Variants in KIF16B observed in about 807,000 individuals in gnomAD.
KIF16B encodes kinesin-like protein KIF16B.
In KIF16B, 98 loss-of-function variants were observed where a neutral mutation model predicts 156.3. The observed-to-expected ratio is 0.63, with a 90% CI of 0.53 to 0.74. The LOEUF is 0.74. Ranked by LOEUF, KIF16B falls within the 30% of genes least tolerant of loss-of-function variation. The pLI is 0.00. For missense variants in KIF16B, 1,421 were observed against 1,606.5 expected, an observed-to-expected ratio of 0.88 and a Z score of 1.97; for synonymous variants, 564 against 583.7, an observed-to-expected ratio of 0.97 and a Z score of 0.49.
At chr20:16,506,315 T>A (rs893392818) in intron 7 of KIF16B, 125 bp from the exon 8 acceptor site, 13 of 780,024 alleles carry the variant, frequency 1.7e-5, no homozygotes, top group Non-Finnish European at 2.7e-5. Flanking sequence ...TTCAATTTTA[T>A]TGTTTTACTG....
At chr20:16,372,472 G>C (rs997745184) in intron 20 of KIF16B, among the ~76,000 whole-genome samples, 3 of 152,136 alleles carry the variant, frequency 2.0e-5, no homozygotes, top group African/African-American at 7.2e-5. Context: ...ATAAAATGTA[G>C]GTGAAGTTGT....
chr20:16,410,296 T>C (rs1044216767), intron 15 of KIF16B, among the ~76,000 whole-genome samples: 1 of 142,620 alleles, frequency 7.0e-6, no homozygotes, highest in African/African-American at 2.6e-5. Context: ...TACCTACATA[T>C]ATATGTGTGT....
chr20:16,448,012 A>G (rs1457467206), intron 12 of KIF16B, among the ~76,000 whole-genome samples: 1 of 152,186 alleles, frequency 6.6e-6, no homozygotes, highest in East Asian at 1.9e-4. Context: ...CAAGCTTAAG[A>G]CAGGAAGATT....
chr20:16,305,339 A>G (rs1336956905), intron 25 of KIF16B, among the ~76,000 whole-genome samples: 4 of 152,232 alleles, frequency 2.6e-5, no homozygotes, highest in African/African-American at 9.6e-5. Context: ...CAAAAACATG[A>G]ACACTGTGAT....
Position 16,272,867 on chromosome 20 carries a change from T to G in KIF16B, c.*386A>C. The G allele has an allele frequency of 6.1e-6, 1 of 165,008 alleles. No individual in the cohort carries two copies. Among genetic ancestry groups the G allele is most frequent in the Non-Finnish European group, 1.3e-5 (1 of 76,832 alleles). The allele number at this position is 165,008 out of a possible 1,614,324, so 10.2% of individuals were successfully genotyped here. ...GAAAGAGGAAACCAGATGAAAGTCA[T>G]TTAAGGGTGGTCTGGTAAGCCACCC... On this transcript the variant is annotated 3_prime_UTR_variant, in exon 26 of 26. Coordinates refer to ENST00000354981, the MANE Select transcript of KIF16B (RefSeq NM_024704.5).
rs762679846 is a variant in KIF16B, at chr20:16,381,679, C to A, written c.1838+15G>T. On this transcript the variant is annotated intron_variant, in intron 18 of 25. Coordinates refer to ENST00000354981, the MANE Select transcript of KIF16B (RefSeq NM_024704.5). ...GACTACAGGAGTGTTGAAACTTGAACCCCATGTGACTTACCTTTTACTTTC... is the reference window on the plus strand; with the variant it reads ...GACTACAGGAGTGTTGAAACTTGAAACCCATGTGACTTACCTTTTACTTTC... 1.2e-6 allele frequency: 2 copies of A among 1,606,494 alleles called. No individual in the cohort carries two copies. The highest frequency in any genetic ancestry group is 4.5e-5 in the East Asian group (2 of 44,800).
At chr20:16,357,236 C>T (rs114292831) in intron 22 of KIF16B, among the ~76,000 whole-genome samples, 3 of 152,158 alleles carry the variant, frequency 2.0e-5, no homozygotes, top group Admixed American at 6.5e-5. Context: ...TTATAGTTAG[C>T]ATTTATTGGA....
At chr20:16,314,477 C>T (rs1391057700) in intron 24 of KIF16B, among the ~76,000 whole-genome samples, 1 of 152,158 alleles carries the variant, frequency 6.6e-6, no homozygotes, top group East Asian at 1.9e-4. Flanking sequence ...CTCTGTTTCT[C>T]ACCAATGTTT....
chr20:16,324,669 G>T (rs1160793374), intron 24 of KIF16B, among the ~76,000 whole-genome samples: 1 of 151,842 alleles, frequency 6.6e-6, no homozygotes, highest in African/African-American at 2.4e-5. Flanking sequence ...TTTAGATCTG[G>T]TGCTTTACAC....
At position 16,289,258 on chromosome 20, in the gene KIF16B, C is replaced by T. The variant is rs181896206; in HGVS notation, c.3796-15847G>A. Among the ~76,000 whole-genome samples, 841 of 151,990 alleles carry T rather than the reference C, an allele frequency of 5.5e-3. 9 individuals carry two copies. The highest frequency in any genetic ancestry group is 9.5e-3 in the Non-Finnish European group (646 of 67,962). ...TACTGAATGTGTATCGCTTTTACACCATCGTAAAGTTGAAAAATCTTAAGT... is the reference window on the plus strand; with the variant it reads ...TACTGAATGTGTATCGCTTTTACACTATCGTAAAGTTGAAAAATCTTAAGT... On this transcript the variant is annotated intron_variant, in intron 25 of 25. Transcript: ENST00000354981.
At chr20:16,412,325 T>G (rs547302264) in intron 15 of KIF16B, among the ~76,000 whole-genome samples, 1 of 152,046 alleles carries the variant, frequency 6.6e-6, no homozygotes, top group Middle Eastern at 3.4e-3. Flanking sequence ...GACTGAGGAA[T>G]GCAGAAGAGG....
chr20:16,382,383 G>GA (rs1487975192), intron 17 of KIF16B, among the ~76,000 whole-genome samples: 1 of 152,098 alleles, frequency 6.6e-6, no homozygotes, highest in Non-Finnish European at 1.5e-5. Context: ...CATAATCATA[G>GA]AAAATAACTG....
intron 20 of KIF16B, among the ~76,000 whole-genome samples, chr20:16,373,737 T>TAA (rs1366874852): frequency 6.6e-6 from 1 of 152,164 alleles, no homozygotes; most frequent in East Asian, 1.9e-4. Context: ...CCCTGCAACT[T>TAA]TTCATTCCGC....
chr20:16,408,359 G>A (rs2065838420), intron 15 of KIF16B, among the ~76,000 whole-genome samples: 1 of 152,074 alleles, frequency 6.6e-6, no homozygotes. Flanking sequence ...AATTGCATTT[G>A]TATTTTTTCC....
chr20:16,367,813 A>C (rs545842565), intron 22 of KIF16B: 4 of 1,612,100 alleles, frequency 2.5e-6, no homozygotes, highest in South Asian at 2.2e-5. Flanking sequence ...GACACACAGG[A>C]GGTCACGACA....
intron 1 of KIF16B, among the ~76,000 whole-genome samples, chr20:16,570,306 A>G (rs12481403): frequency 0.12 from 18,388 of 152,234 alleles, 1,355 homozygotes; most frequent in Admixed American, 0.17. Context: ...GTCAAATCAA[A>G]AAGTTTATAG....
intron 23 of KIF16B, among the ~76,000 whole-genome samples, chr20:16,347,388 A>G: frequency 6.6e-6 from 1 of 152,194 alleles, no homozygotes; most frequent in East Asian, 1.9e-4. Flanking sequence ...TTTGAGTGAA[A>G]TGGAAATTGA....
intron 1 of KIF16B, among the ~76,000 whole-genome samples, chr20:16,567,617 G>A (rs1335832473): frequency 1.3e-5 from 2 of 152,134 alleles, no homozygotes; most frequent in East Asian, 3.9e-4. Context: ...GGCTTTTATA[G>A]GTCAGTCAAT....
At chr20:16,512,697 G>C in intron 5 of KIF16B, 129 bp downstream of exon 5, 1 of 596,240 alleles carries the variant, frequency 1.7e-6, no homozygotes, top group Non-Finnish European at 3.0e-6. Flanking sequence ...CATAATCACA[G>C]GAGGGGAAAA....
Sources: allele counts gnomAD v4.1 joint callset (sites outside exome capture counted in the v4.1 genomes callset), GRCh38; gene constraint gnomAD v4.1.1; transcripts MANE v1.5; gene names NCBI Gene and HGNC (gene_info 2026-07-23, HGNC 2026-07-21).